The following ZNRF2 variants were observed in gnomAD, a reference collection of about 807,000 sequenced individuals.
ZNRF2 encodes the protein zinc and ring finger 2, also known as E3 ubiquitin-protein ligase ZNRF2.
In ZNRF2, 16 loss-of-function variants were observed where a neutral mutation model predicts 20.4. That is an observed-to-expected ratio of 0.79 (90% CI 0.53 to 1.19). ZNRF2 has a LOEUF of 1.19. ZNRF2 is among the 50% of genes most tolerant of loss of function. The probability of loss-of-function intolerance (pLI) is 0.00; values close to 1 mark genes in which losing one functional copy is unlikely to be tolerated. For synonymous variants in ZNRF2, 178 were observed against 144.9 expected, an observed-to-expected ratio of 1.23 and a Z score of -1.64; for missense variants, 363 against 332.4, an observed-to-expected ratio of 1.09 and a Z score of -0.72.
At chr7:30,337,939 G>C (rs1799741064) in intron 2 of ZNRF2, among the ~76,000 whole-genome samples, 2 of 152,104 alleles carry the variant, frequency 1.3e-5, no homozygotes, top group Admixed American at 6.6e-5. Flanking sequence ...GATATTTAAT[G>C]TATATGCAAA....
At chr7:30,326,009 C>A (rs560991499) in intron 2 of ZNRF2, among the ~76,000 whole-genome samples, 1 of 151,922 alleles carries the variant, frequency 6.6e-6, no homozygotes, top group Admixed American at 6.6e-5. Flanking sequence ...TTCTGGCTTT[C>A]AATTTGAAAA....
intron 4 of ZNRF2, 58 bp downstream of exon 4, chr7:30,362,514 A>C (rs929345566): frequency 1.1e-5 from 12 of 1,075,774 alleles, no homozygotes; most frequent in South Asian, 9.3e-5. Context: ...ATTCTAAACT[A>C]TAATTTTTAT....
intron 1 of ZNRF2, among the ~76,000 whole-genome samples, chr7:30,316,288 C>CAAAAAAAAAA (rs60218988): frequency 1.1e-3 from 29 of 27,502 alleles, no homozygotes; most frequent in African/African-American, 2.1e-3. Flanking sequence ...AACTCCATCT[C>CAAAAAAAAAA]AAAAAAAAAA....
intron 1 of ZNRF2, among the ~76,000 whole-genome samples, chr7:30,289,600 G>A (rs1798859769): frequency 6.6e-6 from 1 of 152,130 alleles, no homozygotes; most frequent in Non-Finnish European, 1.5e-5. Flanking sequence ...GAATTTTGGT[G>A]GTTATTGTTC....
At chr7:30,338,084 G>A (rs1232644435) in intron 2 of ZNRF2, among the ~76,000 whole-genome samples, 2 of 152,146 alleles carry the variant, frequency 1.3e-5, no homozygotes, top group African/African-American at 4.8e-5. Flanking sequence ...ATATTTCATA[G>A]GTGGATAAAC....
At chr7:30,362,570 T>TCAGA (rs1800143123) in intron 4 of ZNRF2, 114 bp downstream of exon 4, 1 of 521,180 alleles carries the variant, frequency 1.9e-6, no homozygotes, top group Admixed American at 3.4e-5. Flanking sequence ...TGTGTATGTT[T>TCAGA]CAGACACTTA....
chr7:30,305,740 A>G (rs1390903354), intron 1 of ZNRF2, among the ~76,000 whole-genome samples: 10 of 152,126 alleles, frequency 6.6e-5, no homozygotes, highest in Non-Finnish European at 1.5e-5. Flanking sequence ...AGTTAGGGCT[A>G]ACATTTGATT....
intron 2 of ZNRF2, among the ~76,000 whole-genome samples, chr7:30,347,595 C>G (rs1346604976): frequency 6.6e-6 from 1 of 152,170 alleles, no homozygotes; most frequent in Non-Finnish European, 1.5e-5. Context: ...TGCTTGTAGT[C>G]TCATCTACTC....
At chr7:30,342,072 T>C (rs1799804347) in intron 2 of ZNRF2, among the ~76,000 whole-genome samples, 1 of 150,994 alleles carries the variant, frequency 6.6e-6, no homozygotes, top group Non-Finnish European at 1.5e-5. Context: ...TTGCTTTCCA[T>C]TTGCTTGGTA....
chr7:30,291,343 A>G (rs1042676919), intron 1 of ZNRF2, among the ~76,000 whole-genome samples: 22 of 152,228 alleles, frequency 1.4e-4, no homozygotes, highest in African/African-American at 5.3e-4. Flanking sequence ...GGCACAATTA[A>G]CACTCGTAGT....
At chr7:30,344,207 C>G (rs1009967954) in intron 2 of ZNRF2, among the ~76,000 whole-genome samples, 28 of 151,044 alleles carry the variant, frequency 1.9e-4, no homozygotes, top group African/African-American at 6.5e-4. Context: ...CAGGCGTGAG[C>G]CACTGCGCCC....
At chr7:30,336,793 C>T (rs1396503476) in intron 2 of ZNRF2, among the ~76,000 whole-genome samples, 1 of 152,030 alleles carries the variant, frequency 6.6e-6, no homozygotes, top group Non-Finnish European at 1.5e-5. Context: ...TGGCCAAGTA[C>T]ATCATTGAGT....
At chr7:30,346,334 C>G (rs940201083) in intron 2 of ZNRF2, among the ~76,000 whole-genome samples, 1 of 151,750 alleles carries the variant, frequency 6.6e-6, no homozygotes, top group Non-Finnish European at 1.5e-5. Flanking sequence ...GCTAGGATTA[C>G]AAGTGCCTGC....
chr7:30,334,743 A>G (rs1429125302), intron 2 of ZNRF2, among the ~76,000 whole-genome samples: 4 of 152,196 alleles, frequency 2.6e-5, no homozygotes, highest in Non-Finnish European at 5.9e-5. Context: ...TTAGAAAACT[A>G]CTGCTATCAT....
intron 2 of ZNRF2, among the ~76,000 whole-genome samples, chr7:30,349,505 C>G (rs532387466): frequency 1.3e-5 from 2 of 152,020 alleles, no homozygotes; most frequent in South Asian, 2.1e-4. Context: ...TCTACCACTA[C>G]CCTGTGAGGT....
chr7:30,294,213 T>G (rs564202440), intron 1 of ZNRF2, among the ~76,000 whole-genome samples: 3 of 152,260 alleles, frequency 2.0e-5, no homozygotes, highest in Non-Finnish European at 4.4e-5. Flanking sequence ...TCTCTTAGCT[T>G]CTTTTATTTT....
intron 2 of ZNRF2, among the ~76,000 whole-genome samples, chr7:30,331,440 AG>A (rs934064793): frequency 1.3e-5 from 2 of 152,226 alleles, no homozygotes; most frequent in Non-Finnish European, 2.9e-5. Flanking sequence ...CTGAATAGAT[AG>A]GTTAAGTGGC....
intron 2 of ZNRF2, among the ~76,000 whole-genome samples, chr7:30,333,830 T>TG (rs1262899036): frequency 6.6e-6 from 1 of 152,236 alleles, no homozygotes; most frequent in African/African-American, 2.4e-5. Context: ...TTCATGCCTT[T>TG]GCCCACTTCT....
chr7:30,323,356 G>A (rs578174561), intron 1 of ZNRF2, among the ~76,000 whole-genome samples: 24 of 152,224 alleles, frequency 1.6e-4, no homozygotes, highest in African/African-American at 5.5e-4. Context: ...AATTAAAAAC[G>A]AGAATACCTG....
Sources: allele counts gnomAD v4.1 joint callset (sites outside exome capture counted in the v4.1 genomes callset), GRCh38; gene constraint gnomAD v4.1.1; transcripts MANE v1.5; gene names NCBI Gene and HGNC (gene_info 2026-07-23, HGNC 2026-07-21).